AZIN2: variants seen among roughly 807,000 people sequenced by gnomAD.
AZIN2 encodes the protein antizyme inhibitor 2.
A neutral mutation model predicts 47.8 loss-of-function variants in AZIN2; 28 were observed. The observed-to-expected ratio is 0.59, with a 90% CI of 0.43 to 0.80. AZIN2 has a LOEUF of 0.80. Ranked by LOEUF, AZIN2 falls within the 30% of genes least tolerant of loss-of-function variation. The pLI, the probability that AZIN2 is intolerant of heterozygous loss-of-function variation, is 0.00. For missense variants in AZIN2, 535 were observed against 582.5 expected (o/e 0.92, Z 0.84); for synonymous variants, 221 against 239.4 (o/e 0.92, Z 0.71).
chr1:33,106,253 G>A (rs2124610552), intron 10 of AZIN2, among the ~76,000 whole-genome samples: 1 of 152,294 alleles, frequency 6.6e-6, no homozygotes, highest in East Asian at 1.9e-4. Context: ...CCAATAGTGA[G>A]TTAGGAGATT....
In AZIN2 at chr1:33,093,709, G is replaced by A. The variant is rs185200633; in HGVS notation, c.587+293G>A. 2.7e-3 allele frequency among the ~76,000 whole-genome samples: 412 copies of A among 151,390 alleles called. 1 individual carries two copies. Among genetic ancestry groups the A allele is most frequent in the Non-Finnish European group, 4.3e-3 (291 of 67,870 alleles). ...GGTTTTGCAGCTACACTCTTGAGGG[G>A]CCTCTTTTCTTTTCTTTCTTTCTTT... is the stretch of plus-strand genomic sequence containing the variant. On this transcript the variant is annotated intron_variant, in intron 7 of 11. Coordinates refer to ENST00000294517, the MANE Select transcript of AZIN2 (RefSeq NM_052998.4).
At chr1:33,094,317 G>A (rs949300684) in intron 7 of AZIN2, among the ~76,000 whole-genome samples, 1 of 152,196 alleles carries the variant, frequency 6.6e-6, no homozygotes, top group East Asian at 1.9e-4. Flanking sequence ...ATCCCAGAAG[G>A]AGGGATGGGA....
At position 33,120,364 on chromosome 1, in the gene AZIN2, C is replaced by G. The variant is rs117064966; in HGVS notation, c.*182C>G. The stretch of plus-strand genomic sequence containing the variant: ...GACCAGTCTTACACTCGCTGTAGTT[C>G]AAGTATGCAACATAAATCCTGTTCC... On this transcript the variant is annotated 3_prime_UTR_variant, in exon 12 of 12. Coordinates refer to ENST00000294517, the MANE Select transcript of AZIN2 (RefSeq NM_052998.4). The G allele has an allele frequency of 2.5e-6, 2 of 800,476 alleles. No individual in the cohort carries two copies. Among genetic ancestry groups the G allele is most frequent in the Non-Finnish European group, 3.8e-6 (2 of 523,532 alleles). The allele number at this position is 800,476 out of a possible 1,614,324, so 49.6% of individuals were successfully genotyped here. A position where few individuals can be genotyped will look rare whatever the true frequency, so the allele number is the denominator to read the frequency against.
chr1:33,144,858 A>G, the AZIN2 span, among the ~76,000 whole-genome samples: 1 of 152,158 alleles, frequency 6.6e-6, no homozygotes, highest in Non-Finnish European at 1.5e-5. Flanking sequence ...GGTTCAGGAA[A>G]CCCATACAGC....
At chr1:33,114,264 G>A (rs946338290) in intron 10 of AZIN2, among the ~76,000 whole-genome samples, 3 of 150,858 alleles carry the variant, frequency 2.0e-5, no homozygotes, top group African/African-American at 7.3e-5. Context: ...GATTACAGGC[G>A]CCTGCCACCA....
At chr1:33,162,664 T>C in the AZIN2 span, among the ~76,000 whole-genome samples, 1 of 151,686 alleles carries the variant, frequency 6.6e-6, no homozygotes, top group African/African-American at 2.4e-5. Context: ...GGTTTCAATG[T>C]CTCAAGGACG....
the AZIN2 span, chr1:33,158,307 T>C: frequency 6.2e-7 from 1 of 1,614,028 alleles, no homozygotes; most frequent in Non-Finnish European, 8.5e-7. Flanking sequence ...AGGGGGCCTG[T>C]GTACTTGGAG....
At chr1:33,140,063 G>T in the AZIN2 span, among the ~76,000 whole-genome samples, 520 of 152,266 alleles carry the variant, frequency 3.4e-3, 13 homozygotes, top group Non-Finnish European at 5.1e-4. This position sits in a 1 kb window ranked among gnomAD's most constrained non-coding sequence, Gnocchi z 4.0. Context: ...GAAAGAAGTG[G>T]GGAAGGACTT....
chr1:33,101,873 T>C, intron 10 of AZIN2: 1 of 779,578 alleles, frequency 1.3e-6, no homozygotes, highest in Non-Finnish European at 2.4e-6. Flanking sequence ...CTAGAGTCCA[T>C]TCATTTCATT....
chr1:33,138,626 C>CAAAAAAAAAA, the AZIN2 span, among the ~76,000 whole-genome samples: 20 of 66,030 alleles, frequency 3.0e-4, no homozygotes, highest in African/African-American at 6.1e-4. Context: ...ACAACAACAA[C>CAAAAAAAAAA]AAAAAAAAAA....
Position 33,120,351 on chromosome 1 carries a change from A to C in AZIN2, c.*169A>C. ...GCCCTGTAAATAGGACCAGTCTTAC[A>C]CTCGCTGTAGTTCAAGTATGCAACA... On this transcript the variant is annotated 3_prime_UTR_variant, in exon 12 of 12. Coordinates refer to ENST00000294517, the MANE Select transcript of AZIN2 (RefSeq NM_052998.4). The C allele has an allele frequency of 1.1e-6, 1 of 882,164 alleles. No individual in the cohort carries two copies. Among genetic ancestry groups the C allele is most frequent in the Non-Finnish European group, 1.7e-6 (1 of 593,678 alleles). 54.6% of individuals were successfully genotyped at this position (882,164 alleles called of 1,614,324 possible).
chr1:33,096,819 T>C lies in AZIN2; in HGVS notation c.866T>C (p.Val289Ala). The change falls in exon 9 of 12, where the codon GTC becomes GCC. Residue 289 changes from valine (V) to alanine (A), a missense_variant. Physicochemically the swap from Val to Ala is moderately conservative, Grantham distance 64. This residue lies in a region of AZIN2 where 409 missense variants were observed against 429.0 expected (regional missense o/e 0.95). Transcript: ENST00000294517. ...GTGACCTCGGCCTTCACTGTGGCAG[T>C]CAGCATCATTGCCAAGAAGGAGGTT... ...YYVTSAFTVA[V>A]SIIAKKEVLL... is the part of the protein sequence containing the mutation. 6.2e-7 allele frequency: 1 copy of C among 1,614,196 alleles called. No homozygotes were observed. Among genetic ancestry groups the C allele is most frequent in the Non-Finnish European group, 8.5e-7 (1 of 1,180,028 alleles).
In AZIN2 at chr1:33,093,544, C is replaced by A. The variant is rs1444345456; in HGVS notation, c.587+128C>A. 5 of 1,239,082 alleles carry A rather than the reference C, an allele frequency of 4.0e-6. No homozygotes were observed. In the South Asian group the frequency reaches 4.9e-5, roughly 12 times the overall value. The allele number at this position is 1,239,082 out of a possible 1,614,324, so 76.8% of individuals were successfully genotyped here. A position where few individuals can be genotyped will look rare whatever the true frequency, so the allele number is the denominator to read the frequency against. Reference sequence around the variant, plus strand: ...GCCTGTCCCTGGGCCTGGAATTCTTCCATTTGAGAATTTCCTCTGTTTGAA... The same window carrying A: ...GCCTGTCCCTGGGCCTGGAATTCTTACATTTGAGAATTTCCTCTGTTTGAA... On this transcript the variant is annotated intron_variant, in intron 7 of 11. Transcript: ENST00000294517.
chr1:33,095,180 C>T (rs928992276), intron 8 of AZIN2, among the ~76,000 whole-genome samples: 7 of 152,186 alleles, frequency 4.6e-5, no homozygotes, highest in Admixed American at 3.3e-4. Context: ...AGTTCCCACT[C>T]CAACCACTAG....
At chr1:33,158,854 T>C in the AZIN2 span, among the ~76,000 whole-genome samples, 10 of 152,086 alleles carry the variant, frequency 6.6e-5, no homozygotes. Flanking sequence ...TTCTTTTTTT[T>C]TTTGAGACAG....
At chr1:33,132,518 C>T in the AZIN2 span, among the ~76,000 whole-genome samples, 1 of 152,206 alleles carries the variant, frequency 6.6e-6, no homozygotes, top group Admixed American at 6.5e-5. Flanking sequence ...TTCCTTCCAG[C>T]AAGTGCCTAG....
rs368538235 is a variant in AZIN2, at chr1:33,105,662, T to TCCC, written c.1029+7484_1029+7486dup. On this transcript the variant is annotated intron_variant, in intron 10 of 11. Coordinates refer to ENST00000294517, the MANE Select transcript of AZIN2 (RefSeq NM_052998.4). Reference sequence around the variant, plus strand: ...AACTGCCCGCCATGATCCAATCACCTCCCAACAGGCCCCTCCCTCAATATC... The same window carrying TCCC: ...AACTGCCCGCCATGATCCAATCACCTCCCCCCAACAGGCCCCTCCCTCAATATC... Among the ~76,000 whole-genome samples the TCCC allele has an allele frequency of 2.2e-3, 329 of 152,100 alleles. 3 individuals carry two copies. Among genetic ancestry groups the TCCC allele is most frequent in the African/African-American group, 7.0e-3 (289 of 41,476 alleles).
intron 5 of AZIN2, among the ~76,000 whole-genome samples, chr1:33,087,993 G>GTCCCGGGTA (rs1642119663): frequency 1.3e-5 from 2 of 152,008 alleles, no homozygotes; most frequent in African/African-American, 2.4e-5. Context: ...ACCTCTGCAG[G>GTCCCGGGTA]TCCCGGGTAC....
chr1:33,165,448 C>T, the AZIN2 span: 1 of 1,564,180 alleles, frequency 6.4e-7, no homozygotes, highest in Non-Finnish European at 8.7e-7. The surrounding 1 kb of genome is among the most constrained non-coding windows in gnomAD (Gnocchi z 4.0). Flanking sequence ...CCGGCCCCAC[C>T]TCCGCGCCCC....
Sources: gnomAD v4.1 joint callset for allele counts (sites outside exome capture counted in the v4.1 genomes callset) on GRCh38, gnomAD v4.1.1 for gene constraint, gnomAD v4.1.1 regional missense constraint, Gnocchi (gnomAD v3.1) non-coding constraint, MANE v1.5 for transcripts, NCBI Gene and HGNC (gene_info 2026-07-23, HGNC 2026-07-21) for gene names.